Variants in FRMD5 observed in about 807,000 individuals in gnomAD.
FRMD5 encodes the protein FERM domain-containing protein 5.
In FRMD5, 20 loss-of-function variants were observed where a neutral mutation model predicts 69.0. That is an observed-to-expected ratio of 0.29 (90% CI 0.20 to 0.42). FRMD5 has a LOEUF of 0.42. FRMD5 is among the 10% of genes least tolerant of loss of function. The probability of loss-of-function intolerance (pLI) is 1.00; values close to 1 mark genes in which losing one functional copy is unlikely to be tolerated. For synonymous variants in FRMD5, 271 were observed against 260.1 expected, an observed-to-expected ratio of 1.04 and a Z score of -0.40; for missense variants, 595 against 708.6, an observed-to-expected ratio of 0.84 and a Z score of 1.82.
At chr15:44,084,629 C>T (rs907680993) in intron 1 of FRMD5, among the ~76,000 whole-genome samples, 1 of 152,232 alleles carries the variant, frequency 6.6e-6, no homozygotes, top group Non-Finnish European at 1.5e-5. Context: ...CCTTCTAATA[C>T]TGGAGGAAGC....
At chr15:43,906,719 A>G (rs530573159) in intron 5 of FRMD5, among the ~76,000 whole-genome samples, 1 of 148,756 alleles carries the variant, frequency 6.7e-6, no homozygotes, top group Non-Finnish European at 1.5e-5. Flanking sequence ...CTCCTGCCTC[A>G]GCCTCCCGCG....
rs185352581 is a variant in FRMD5 at position 43,973,824 on chromosome 15, C to T, written c.103-49515G>A. ...TTTAGAGAAACTTATATACCATTGG[C>T]TTATATCCAATTTGCGGATATCTAG... On this transcript the variant is annotated intron_variant, in intron 1 of 13. Coordinates refer to ENST00000417257, the MANE Select transcript of FRMD5 (RefSeq NM_032892.5). Among the ~76,000 whole-genome samples, 250 of 150,916 alleles carry T rather than the reference C, an allele frequency of 1.7e-3. 1 individual carries two copies. Among genetic ancestry groups the T allele is most frequent in the Non-Finnish European group, 2.8e-3 (193 of 67,846 alleles).
At chr15:43,903,606 A>G (rs1023221806) in intron 6 of FRMD5, among the ~76,000 whole-genome samples, 10 of 152,178 alleles carry the variant, frequency 6.6e-5, no homozygotes, top group Non-Finnish European at 1.5e-4. Flanking sequence ...TTCTGCATCC[A>G]CTAGTGTACC....
chr15:44,147,689 A>G (rs746845462), intron 1 of FRMD5, among the ~76,000 whole-genome samples: 3 of 152,154 alleles, frequency 2.0e-5, no homozygotes, highest in African/African-American at 7.2e-5. Flanking sequence ...CTGTTGCCCC[A>G]CCTAGACAAC....
chr15:44,006,658 C>T (rs1229993433), intron 1 of FRMD5, among the ~76,000 whole-genome samples: 1 of 152,086 alleles, frequency 6.6e-6, no homozygotes, highest in Non-Finnish European at 1.5e-5. Flanking sequence ...GATTCCAACC[C>T]TTGATTTCAA....
intron 1 of FRMD5, among the ~76,000 whole-genome samples, chr15:44,170,659 T>C (rs1306149113): frequency 1.3e-5 from 2 of 152,324 alleles, no homozygotes; most frequent in East Asian, 1.9e-4. Context: ...ACAGTGTTCC[T>C]AGGCCCAGGG....
At chr15:44,083,193 G>A (rs1309325344) in intron 1 of FRMD5, among the ~76,000 whole-genome samples, 1 of 151,870 alleles carries the variant, frequency 6.6e-6, no homozygotes, top group African/African-American at 2.4e-5. Flanking sequence ...AAAGAGAACT[G>A]GAAATATGCA....
intron 1 of FRMD5, among the ~76,000 whole-genome samples, chr15:44,142,635 G>A (rs2077290614): frequency 1.3e-5 from 2 of 152,250 alleles, no homozygotes; most frequent in South Asian, 4.2e-4. Context: ...AAAAAGAACT[G>A]GTAACGCTAA....
intron 7 of FRMD5, among the ~76,000 whole-genome samples, chr15:43,893,756 C>T (rs2088850899): frequency 6.6e-6 from 1 of 152,114 alleles, no homozygotes; most frequent in African/African-American, 2.4e-5. Flanking sequence ...GGCCTCTCTG[C>T]TTTCAGGGCT....
At chr15:44,058,247 A>T (rs1401922793) in intron 1 of FRMD5, among the ~76,000 whole-genome samples, 1 of 152,190 alleles carries the variant, frequency 6.6e-6, no homozygotes, top group Non-Finnish European at 1.5e-5. Context: ...GTCACAAAAG[A>T]CCACACATGG....
intron 1 of FRMD5, among the ~76,000 whole-genome samples, chr15:44,083,605 G>A (rs1180735484): frequency 6.6e-6 from 1 of 151,882 alleles, no homozygotes; most frequent in Non-Finnish European, 1.5e-5. Flanking sequence ...TGCTTTTACT[G>A]TTATTGATGT....
chr15:44,007,564 T>C (rs966833296), intron 1 of FRMD5, among the ~76,000 whole-genome samples: 2 of 151,950 alleles, frequency 1.3e-5, no homozygotes, highest in Non-Finnish European at 1.5e-5. Flanking sequence ...TTTCCTAGTA[T>C]CTACAAGGCC....
At chr15:43,892,097 G>A in intron 7 of FRMD5, 28 bp from the exon 8 acceptor site, 1 of 1,599,494 alleles carries the variant, frequency 6.3e-7, no homozygotes, top group East Asian at 2.2e-5. Context: ...TTCTCATCGG[G>A]TGATGCAGGC....
chr15:44,135,819 G>A (rs977086333), intron 1 of FRMD5, among the ~76,000 whole-genome samples: 68 of 108,392 alleles, frequency 6.3e-4, no homozygotes, highest in Admixed American at 1.7e-3. Context: ...GTGAGACTCT[G>A]TCTCAAAAAA....
At chr15:43,935,955 G>T (rs2089753847) in intron 1 of FRMD5, among the ~76,000 whole-genome samples, 1 of 152,236 alleles carries the variant, frequency 6.6e-6, no homozygotes, top group African/African-American at 2.4e-5. Flanking sequence ...TCTCAAGGCT[G>T]CAGAGACACG....
At chr15:44,111,290 A>G (rs1398072885) in intron 1 of FRMD5, among the ~76,000 whole-genome samples, 2 of 152,126 alleles carry the variant, frequency 1.3e-5, no homozygotes, top group Non-Finnish European at 2.9e-5. Context: ...AGACTCCATT[A>G]CTCACTCATA....
intron 1 of FRMD5, among the ~76,000 whole-genome samples, chr15:43,988,447 C>G (rs145062893): frequency 6.6e-6 from 1 of 150,920 alleles, no homozygotes; most frequent in African/African-American, 2.4e-5. Flanking sequence ...GAATAGACTA[C>G]AGTATAGTGG....
intron 10 of FRMD5, among the ~76,000 whole-genome samples, chr15:43,887,470 T>C (rs773588561): frequency 6.6e-6 from 1 of 152,208 alleles, no homozygotes; most frequent in Non-Finnish European, 1.5e-5. Flanking sequence ...CTCCCGAGTA[T>C]ATTCAGGAGA....
chr15:43,905,705 A>C (rs2089154570), intron 6 of FRMD5, 123 bp downstream of exon 6: 1 of 1,249,254 alleles, frequency 8.0e-7, no homozygotes, highest in South Asian at 1.4e-5. Context: ...GCGGTCAGGA[A>C]GGCTGGGGAG....
Sources: gnomAD v4.1 joint callset for allele counts (sites outside exome capture counted in the v4.1 genomes callset) on GRCh38, gnomAD v4.1.1 for gene constraint, MANE v1.5 for transcripts, NCBI Gene and HGNC (gene_info 2026-07-23, HGNC 2026-07-21) for gene names.